Variants in RAN observed in about 807,000 individuals in gnomAD.
The protein encoded by RAN is GTP-binding nuclear protein Ran.
RAN carries 2 observed loss-of-function variants against 26.8 expected under a neutral mutation model. The observed-to-expected ratio is 0.07, with a 90% CI of 0.03 to 0.23. RAN has a LOEUF of 0.23. Ranked by LOEUF, RAN falls within the 10% of genes least tolerant of loss-of-function variation. The pLI is 1.00. For missense variants in RAN, 56 were observed against 264.8 expected, an observed-to-expected ratio of 0.21 and a Z score of 5.47; for synonymous variants, 132 against 95.9, an observed-to-expected ratio of 1.38 and a Z score of -2.20.
At chr12:130,872,500 C>A (rs1444484071) in intron 1 of RAN, 84 bp from the exon 2 acceptor site, 2 of 1,063,070 alleles carry the variant, frequency 1.9e-6, no homozygotes, top group African/African-American at 3.3e-5. Context: ...GGGGCGGGCA[C>A]GTGGGGCGCT....
intron 4 of RAN, chr12:130,873,750 A>G (rs1953185511): frequency 6.3e-6 from 1 of 158,142 alleles, no homozygotes; most frequent in Non-Finnish European, 1.4e-5. Context: ...GAGCATGTAC[A>G]AATAAACACA....
At position 130,876,928 on chromosome 12, in the gene RAN, T is replaced by C. The variant is rs1953256264; in HGVS notation, c.*1002T>C. On this transcript the variant is annotated 3_prime_UTR_variant, in exon 7 of 7. Transcript: ENST00000543796. ...CACTACACCGTTTTTTTGTTTTTTT[T>C]TCCCCCCCGGGAGGGTTTTTTTGTA... is the stretch of plus-strand genomic sequence containing the variant. 6.6e-6 allele frequency: 1 copy of C among 152,166 alleles called. No homozygotes were observed. The highest frequency in any genetic ancestry group is 1.5e-5 in the Non-Finnish European group (1 of 68,044). 9.4% of individuals were successfully genotyped at this position (152,166 alleles called of 1,614,324 possible). A position where few individuals can be genotyped will look rare whatever the true frequency, so the allele number is the denominator to read the frequency against.
At chr12:130,875,505 C>G (rs1255815702) in intron 5 of RAN, 107 bp from the exon 6 acceptor site, 1 of 1,064,712 alleles carries the variant, frequency 9.4e-7, no homozygotes, top group East Asian at 2.6e-5. Context: ...GCATGAGCCA[C>G]CATGCCTTGC....
rs1218575452 is a variant in RAN at position 130,876,244 on chromosome 12, G to A, written c.*318G>A. ...GTTACTGTCATTCCCATTCCTTTTC[G>A]TTTAGAATCAGAATAAAGTTGTATT... On this transcript the variant is annotated 3_prime_UTR_variant, in exon 7 of 7. Transcript: ENST00000543796. The A allele has an allele frequency of 6.2e-6, 2 of 320,594 alleles. No homozygotes were observed. Among genetic ancestry groups the A allele is most frequent in the East Asian group, 6.1e-5 (1 of 16,488 alleles). 19.9% of individuals were successfully genotyped at this position (320,594 alleles called of 1,614,324 possible).
intron 5 of RAN, among the ~76,000 whole-genome samples, chr12:130,874,938 G>T (rs1348262902): frequency 6.6e-6 from 1 of 151,934 alleles, no homozygotes; most frequent in African/African-American, 2.4e-5. Flanking sequence ...TTTTGTCTCA[G>T]CTCCCCTAGT....
chr12:130,876,930 C>A lies in RAN; in HGVS notation c.*1004C>A, dbSNP rs1565956671. On this transcript the variant is annotated 3_prime_UTR_variant, in exon 7 of 7. Coordinates refer to ENST00000543796, the MANE Select transcript of RAN (RefSeq NM_006325.5). ...CTACACCGTTTTTTTGTTTTTTTTT[C>A]CCCCCCGGGAGGGTTTTTTTGTAGG... The A allele has an allele frequency of 6.7e-6, 1 of 149,326 alleles. No homozygotes were observed. The highest frequency in any genetic ancestry group is 3.4e-3 in the Middle Eastern group (1 of 294). The allele number at this position is 149,326 out of a possible 1,614,324, so 9.3% of individuals were successfully genotyped here. A position where few individuals can be genotyped will look rare whatever the true frequency, so the allele number is the denominator to read the frequency against.
chr12:130,874,853 T>A, intron 5 of RAN, 120 bp downstream of exon 5: 2 of 871,938 alleles, frequency 2.3e-6, no homozygotes, highest in Non-Finnish European at 3.4e-6. Flanking sequence ...GACGGAGTCT[T>A]CCTCTGTCCC....
chr12:130,873,145 T>A lies in RAN; in HGVS notation c.247+17T>A. ...ATATCCAAGGTAGGCATTTGTAACT[T>A]GCTGAACGGTTTTTGAGAGGTTTTG... On this transcript the variant is annotated intron_variant, in intron 4 of 6. Coordinates refer to ENST00000543796, the MANE Select transcript of RAN (RefSeq NM_006325.5). 1 of 1,614,138 alleles carries A rather than the reference T, an allele frequency of 6.2e-7. No individual in the cohort carries two copies. The highest frequency in any genetic ancestry group is 8.5e-7 in the Non-Finnish European group (1 of 1,179,974).
In RAN at chr12:130,877,566, T is replaced by C. The variant is rs571422068; in HGVS notation, c.*1640T>C. The stretch of plus-strand genomic sequence containing the variant: ...CATTCTGGATCTTCTATGTAACAGT[T>C]GAAATTTGGAAGTGACGTCACTTAC... On this transcript the variant is annotated 3_prime_UTR_variant, in exon 7 of 7. Coordinates refer to ENST00000543796, the MANE Select transcript of RAN (RefSeq NM_006325.5). 3.3e-5 allele frequency: 5 copies of C among 152,318 alleles called. No homozygotes were observed. The highest frequency in any genetic ancestry group is 3.9e-4 in the East Asian group (2 of 5,188). 9.4% of individuals were successfully genotyped at this position (152,318 alleles called of 1,614,324 possible). A position where few individuals can be genotyped will look rare whatever the true frequency, so the allele number is the denominator to read the frequency against.
intron 4 of RAN, 148 bp from the exon 5 acceptor site, chr12:130,874,398 T>C (rs1023319542): frequency 1.7e-6 from 1 of 596,384 alleles, no homozygotes. Context: ...ATTTTTAGAA[T>C]TGACAGAGAC....
chr12:130,875,416 G>A (rs998753247), intron 5 of RAN, among the ~76,000 whole-genome samples, 196 bp from the exon 6 acceptor site: 1 of 151,428 alleles, frequency 6.6e-6, no homozygotes, highest in Non-Finnish European at 1.5e-5. Context: ...TTGGGGTCTT[G>A]CTCTGTTGCC....
chr12:130,874,976 G>T (rs140617033), intron 5 of RAN, among the ~76,000 whole-genome samples: 1 of 151,954 alleles, frequency 6.6e-6, no homozygotes, highest in Non-Finnish European at 1.5e-5. Flanking sequence ...GTACCACCAC[G>T]CCTGGCTAAT....
At position 130,877,338 on chromosome 12, in the gene RAN, C is replaced by T. The variant is rs1342885090; in HGVS notation, c.*1412C>T. On this transcript the variant is annotated 3_prime_UTR_variant, in exon 7 of 7. Transcript: ENST00000543796. Reference sequence around the variant, plus strand: ...AAGGGTGAAGCTGAATAAAGTTCTACTTACTGTATTAACTGGCAACAGTTG... The same window carrying T: ...AAGGGTGAAGCTGAATAAAGTTCTATTTACTGTATTAACTGGCAACAGTTG... 1 of 152,220 alleles carries T rather than the reference C, an allele frequency of 6.6e-6. No homozygotes were observed. Among genetic ancestry groups the T allele is most frequent in the Non-Finnish European group, 1.5e-5 (1 of 68,040 alleles). The allele number at this position is 152,220 out of a possible 1,614,324, so 9.4% of individuals were successfully genotyped here. A position where few individuals can be genotyped will look rare whatever the true frequency, so the allele number is the denominator to read the frequency against.
Sources: gnomAD v4.1 joint callset for allele counts (sites outside exome capture counted in the v4.1 genomes callset) on GRCh38, gnomAD v4.1.1 for gene constraint, MANE v1.5 for transcripts, NCBI Gene and HGNC (gene_info 2026-07-23, HGNC 2026-07-21) for gene names.